Variants in MB21D2 observed in about 807,000 individuals in gnomAD.
The protein encoded by MB21D2 is nucleotidyltransferase MB21D2.
MB21D2 carries 9 observed loss-of-function variants against 33.3 expected under a neutral mutation model. The ratio of observed to expected loss-of-function variants is 0.27; its 90% CI spans 0.16 to 0.47. The LOEUF is 0.47. MB21D2 is among the 20% of genes least tolerant of loss of function. The pLI is 0.99. For missense variants in MB21D2, 540 were observed against 624.6 expected (o/e 0.86, Z 1.44); for synonymous variants, 241 against 236.3 (o/e 1.02, Z -0.18).
At chr3:192,825,181 G>A (rs372519502) in intron 1 of MB21D2, among the ~76,000 whole-genome samples, 4 of 152,186 alleles carry the variant, frequency 2.6e-5, no homozygotes, top group African/African-American at 7.2e-5. Context: ...ACTCACTGTC[G>A]CCCAGGCTGG....
At chr3:192,819,287 C>G (rs976415721) in intron 1 of MB21D2, among the ~76,000 whole-genome samples, 4 of 152,190 alleles carry the variant, frequency 2.6e-5, no homozygotes, top group African/African-American at 7.2e-5. Flanking sequence ...AAAAGAAAGT[C>G]AGGCTCAGTG....
chr3:192,805,389 T>C (rs1350469756), intron 1 of MB21D2, among the ~76,000 whole-genome samples: 1 of 152,244 alleles, frequency 6.6e-6, no homozygotes, highest in Non-Finnish European at 1.5e-5. Context: ...TTATTAGTAC[T>C]CACAATTAGG....
chr3:192,802,240 T>G (rs757375514), intron 1 of MB21D2, among the ~76,000 whole-genome samples: 1 of 152,202 alleles, frequency 6.6e-6, no homozygotes, highest in African/African-American at 2.4e-5. Flanking sequence ...ACTCAAACTC[T>G]GAGTTCCCAG....
At chr3:192,820,767 C>A (rs542641053) in intron 1 of MB21D2, among the ~76,000 whole-genome samples, 2 of 152,280 alleles carry the variant, frequency 1.3e-5, no homozygotes, top group African/African-American at 4.8e-5. Context: ...TTCCATCCCC[C>A]CAAATCTTAT....
Position 192,833,530 on chromosome 3 carries a change from C to A in MB21D2, c.212-33880G>T, listed in dbSNP as rs973934957. Among the ~76,000 whole-genome samples the A allele has an allele frequency of 2.0e-5, 3 of 152,184 alleles. No homozygotes were observed. In the East Asian group the frequency reaches 5.8e-4, roughly 29 times the overall value. ...TTGACCTAAACTTCTAAATATTCCA[C>A]AAACAATAATTAAGTCACTAGGACC... On this transcript the variant is annotated intron_variant, in intron 1 of 1. Transcript: ENST00000392452.
chr3:192,908,988 G>A (rs1164425696), intron 1 of MB21D2, among the ~76,000 whole-genome samples: 2 of 151,796 alleles, frequency 1.3e-5, no homozygotes, highest in Non-Finnish European at 2.9e-5. Flanking sequence ...GGGCACGGTG[G>A]CTCACGCCTG....
chr3:192,868,539 G>T (rs879672708), intron 1 of MB21D2, among the ~76,000 whole-genome samples: 2 of 151,764 alleles, frequency 1.3e-5, no homozygotes, highest in Non-Finnish European at 2.9e-5. Context: ...TGCTGCTGCT[G>T]ACACCCCTGC....
chr3:192,857,846 C>T (rs368832763), intron 1 of MB21D2, among the ~76,000 whole-genome samples: 13 of 152,190 alleles, frequency 8.5e-5, no homozygotes, highest in African/African-American at 2.9e-4. Context: ...GGCCTTAGGT[C>T]GGGCGCAGTG....
At chr3:192,838,027 T>G (rs961892180) in intron 1 of MB21D2, among the ~76,000 whole-genome samples, 2 of 152,386 alleles carry the variant, frequency 1.3e-5, no homozygotes, top group Admixed American at 6.5e-5. Context: ...GCAGCAGAGC[T>G]GCATATCTCC....
chr3:192,878,103 G>GTTTTTTTTTTTTTTTTTT (rs1296544101), intron 1 of MB21D2, among the ~76,000 whole-genome samples: 5 of 134,222 alleles, frequency 3.7e-5, no homozygotes, highest in Admixed American at 7.9e-5. Context: ...TTTTTTTTTG[G>GTTTTTTTTTTTTTTTTTT]TTTTTTTTGT....
At chr3:192,868,022 C>T (rs974846072) in intron 1 of MB21D2, among the ~76,000 whole-genome samples, 2 of 152,066 alleles carry the variant, frequency 1.3e-5, no homozygotes, top group African/African-American at 2.4e-5. Flanking sequence ...GTAGGCCATC[C>T]GCTTTGTACC....
chr3:192,902,532 T>A (rs917557335), intron 1 of MB21D2, among the ~76,000 whole-genome samples: 2 of 151,678 alleles, frequency 1.3e-5, no homozygotes, highest in Admixed American at 1.3e-4. Context: ...TGAGGAAGAG[T>A]TTCTCAATTT....
In MB21D2 at chr3:192,798,369, A is replaced by G. The variant is rs200327496; in HGVS notation, c.*17T>C. 1.1e-5 allele frequency: 18 copies of G among 1,609,326 alleles called. No homozygotes were observed. The highest frequency in any genetic ancestry group is 1.5e-5 in the Non-Finnish European group (18 of 1,176,818). ...ATCAGAGTTTAAGAATCAGGAAAAA[A>G]AAAAGTCAGCTAACACTCAGAAAAA... On this transcript the variant is annotated 3_prime_UTR_variant, in exon 2 of 2. Coordinates refer to ENST00000392452, the MANE Select transcript of MB21D2 (RefSeq NM_178496.4). This position sits in a 1 kb window ranked among gnomAD's most constrained non-coding sequence, Gnocchi z 4.8.
chr3:192,813,155 T>C (rs1429512674), intron 1 of MB21D2, among the ~76,000 whole-genome samples: 1 of 152,162 alleles, frequency 6.6e-6, no homozygotes, highest in African/African-American at 2.4e-5. Flanking sequence ...CTCCTGATAA[T>C]TTAGAAGCTG....
chr3:192,796,865 T>C lies in MB21D2; in HGVS notation c.*1521A>G, dbSNP rs1330705879. ...TTATTATTTTTGTGTTTGACTTAGA[T>C]GGTTGAAATGTTTTCATTTTTCATT... On this transcript the variant is annotated 3_prime_UTR_variant, in exon 2 of 2. Coordinates refer to ENST00000392452, the MANE Select transcript of MB21D2 (RefSeq NM_178496.4). The C allele has an allele frequency of 2.0e-5, 3 of 152,524 alleles. No individual in the cohort carries two copies. The highest frequency in any genetic ancestry group is 6.5e-5 in the Admixed American group (1 of 15,278). 9.4% of individuals were successfully genotyped at this position (152,524 alleles called of 1,614,324 possible). A position where few individuals can be genotyped will look rare whatever the true frequency, so the allele number is the denominator to read the frequency against.
intron 1 of MB21D2, among the ~76,000 whole-genome samples, chr3:192,894,204 A>G (rs138789738): frequency 2.0e-3 from 307 of 152,026 alleles, no homozygotes; most frequent in African/African-American, 7.0e-3. Context: ...TCTGGACTCA[A>G]AACGACCTCT....
Position 192,892,271 on chromosome 3 carries a change from G to C in MB21D2, c.211+25359C>G, listed in dbSNP as rs1433040591. Reference sequence around the variant, plus strand: ...CACTGGTCCCCACATCCAGTGACTGGGAGTTCAGATAATTTTGTCCCCATT... The same window carrying C: ...CACTGGTCCCCACATCCAGTGACTGCGAGTTCAGATAATTTTGTCCCCATT... On this transcript the variant is annotated intron_variant, in intron 1 of 1. Coordinates refer to ENST00000392452, the MANE Select transcript of MB21D2 (RefSeq NM_178496.4). 2.6e-5 allele frequency among the ~76,000 whole-genome samples: 4 copies of C among 152,190 alleles called. No individual in the cohort carries two copies. In the East Asian group the frequency reaches 5.8e-4, roughly 22 times the overall value.
intron 1 of MB21D2, among the ~76,000 whole-genome samples, chr3:192,808,997 C>T (rs1416879012): frequency 6.6e-6 from 1 of 152,264 alleles, no homozygotes; most frequent in African/African-American, 2.4e-5. Flanking sequence ...GAGAAGGGCA[C>T]AAACATTCAT....
chr3:192,852,200 ACACTCAGAGACAC>A (rs1712822057), intron 1 of MB21D2, among the ~76,000 whole-genome samples: 1 of 152,208 alleles, frequency 6.6e-6, no homozygotes, highest in Admixed American at 6.5e-5. Context: ...ACCAGGATTC[ACACTCAGAGACAC>A]CACTCAGCAT....
Sources: gnomAD v4.1 joint callset for allele counts (sites outside exome capture counted in the v4.1 genomes callset) on GRCh38, gnomAD v4.1.1 for gene constraint, Gnocchi (gnomAD v3.1) non-coding constraint, MANE v1.5 for transcripts, NCBI Gene and HGNC (gene_info 2026-07-23, HGNC 2026-07-21) for gene names.